ADAMTSL1: variants seen among roughly 807,000 people sequenced by gnomAD.
The protein encoded by ADAMTSL1 is ADAMTS-like protein 1.
In ADAMTSL1, 126 loss-of-function variants were observed where a neutral mutation model predicts 201.8. The observed-to-expected ratio is 0.62, with a 90% CI of 0.54 to 0.72. ADAMTSL1 has a LOEUF of 0.72. Ranked by LOEUF, ADAMTSL1 falls within the 30% of genes least tolerant of loss-of-function variation. The pLI, the probability that ADAMTSL1 is intolerant of heterozygous loss-of-function variation, is 0.00. For synonymous variants in ADAMTSL1, 1,121 were observed against 903.4 expected (o/e 1.24, Z -4.32); for missense variants, 2,679 against 2,277.8 (o/e 1.18, Z -3.59).
chr9:18,609,963 A>T lies in ADAMTSL1; in HGVS notation c.475-12280A>T, dbSNP rs1173301959. ...GAGAGTGATATATTCAAGCCATCAC[A>T]TCCAGGTTGAGTTGTTGGTTGCACC... is the stretch of plus-strand genomic sequence containing the variant. On this transcript the variant is annotated intron_variant, in intron 4 of 28. Transcript: ENST00000380548. Among the ~76,000 whole-genome samples, 3 of 152,196 alleles carry T rather than the reference A, an allele frequency of 2.0e-5. No homozygotes were observed. The East Asian group carries it at 5.8e-4, about 29-fold the overall frequency.
intron 25 of ADAMTSL1, among the ~76,000 whole-genome samples, chr9:18,891,018 T>G (rs1428045196): frequency 6.6e-6 from 1 of 152,236 alleles, no homozygotes; most frequent in Non-Finnish European, 1.5e-5. Flanking sequence ...TAAGTGGCTC[T>G]GCTCCTGTGG....
chr9:18,159,535 C>T (rs1827298034), intron 1 of ADAMTSL1, among the ~76,000 whole-genome samples: 1 of 151,988 alleles, frequency 6.6e-6, no homozygotes. Context: ...CCATCATAAA[C>T]ATTACAATTT....
intron 1 of ADAMTSL1, among the ~76,000 whole-genome samples, chr9:17,920,540 A>G (rs1413440506): frequency 6.6e-6 from 1 of 151,576 alleles, no homozygotes; most frequent in African/African-American, 2.4e-5. Flanking sequence ...CCCTGCTTCT[A>G]CTCCCCTCCC....
chr9:18,374,544 G>A (rs1293061021), intron 2 of ADAMTSL1, among the ~76,000 whole-genome samples: 1 of 151,990 alleles, frequency 6.6e-6, no homozygotes, highest in Non-Finnish European at 1.5e-5. Context: ...TGTTGCCCAG[G>A]CTGGTCTCTT....
chr9:18,071,936 A>G (rs1822988803), intron 1 of ADAMTSL1, among the ~76,000 whole-genome samples: 1 of 152,180 alleles, frequency 6.6e-6, no homozygotes, highest in Non-Finnish European at 1.5e-5. Flanking sequence ...TCTCCATTAG[A>G]GAGAAAATAC....
intron 2 of ADAMTSL1, among the ~76,000 whole-genome samples, chr9:18,527,897 A>T (rs1029655909): frequency 2.0e-5 from 3 of 152,172 alleles, no homozygotes; most frequent in Admixed American, 2.0e-4. Context: ...GCCCCCCTCA[A>T]GATGGAGTCT....
At chr9:18,515,925 C>T (rs1012390136) in intron 2 of ADAMTSL1, among the ~76,000 whole-genome samples, 1 of 151,958 alleles carries the variant, frequency 6.6e-6, no homozygotes, top group African/African-American at 2.4e-5. Flanking sequence ...TGGTGAATGA[C>T]CAGGTTAATG....
At chr9:18,098,163 T>G (rs1159217267) in intron 1 of ADAMTSL1, among the ~76,000 whole-genome samples, 3 of 152,066 alleles carry the variant, frequency 2.0e-5, no homozygotes, top group African/African-American at 7.2e-5. Context: ...TTTTGTTATA[T>G]TTATCTATAT....
At chr9:18,363,087 A>G (rs986761084) in intron 2 of ADAMTSL1, among the ~76,000 whole-genome samples, 1 of 152,226 alleles carries the variant, frequency 6.6e-6, no homozygotes, top group Non-Finnish European at 1.5e-5. Flanking sequence ...TTTCACACCT[A>G]AAAGTGTTAT....
chr9:18,479,104 C>A (rs1344110712), intron 1 of ADAMTSL1, among the ~76,000 whole-genome samples: 1 of 152,146 alleles, frequency 6.6e-6, no homozygotes, highest in African/African-American at 2.4e-5. Flanking sequence ...TGCTATCAAC[C>A]CCTTCTTTCC....
chr9:18,554,682 A>G (rs200529467), intron 3 of ADAMTSL1, among the ~76,000 whole-genome samples: 1 of 126,920 alleles, frequency 7.9e-6, no homozygotes, highest in Non-Finnish European at 1.7e-5. Context: ...TTTTTTTTTT[A>G]TTTTGCTTGT....
chr9:18,270,571 C>G (rs555737738), intron 2 of ADAMTSL1, among the ~76,000 whole-genome samples: 18 of 152,172 alleles, frequency 1.2e-4, no homozygotes, highest in Admixed American at 5.2e-4. Context: ...TATATAATGC[C>G]TTATTAATAT....
intron 23 of ADAMTSL1, among the ~76,000 whole-genome samples, chr9:18,850,178 C>G (rs2131366822): frequency 1.3e-5 from 2 of 152,336 alleles, no homozygotes; most frequent in Middle Eastern, 6.8e-3. Context: ...AAAACGCACT[C>G]ACACTTGCTC....
At chr9:18,345,372 C>G (rs1393828247) in intron 2 of ADAMTSL1, among the ~76,000 whole-genome samples, 4 of 151,854 alleles carry the variant, frequency 2.6e-5, no homozygotes, top group African/African-American at 7.3e-5. Context: ...GAAGAACTAA[C>G]ATCAGAAACA....
chr9:18,599,670 GCAAACTAGCAATGCTC>G lies in ADAMTSL1; in HGVS notation c.475-22570_475-22555del, dbSNP rs149956680. On this transcript the variant is annotated intron_variant, in intron 4 of 28. Transcript: ENST00000380548. The stretch of plus-strand genomic sequence containing the variant: ...GTTTCGTGGCTCTAAAGCAGAAGTT[GCAAACTAGCAATGCTC>G]CAGCCAGATGCAGCCTATGGATAAC... Among the ~76,000 whole-genome samples, 391 of 152,042 alleles carry G rather than the reference GCAAACTAGCAATGCTC, an allele frequency of 2.6e-3. 3 individuals carry two copies. Among genetic ancestry groups the G allele is most frequent in the African/African-American group, 7.0e-3 (289 of 41,482 alleles).
At chr9:18,264,037 C>T (rs1832028362) in intron 2 of ADAMTSL1, among the ~76,000 whole-genome samples, 1 of 152,142 alleles carries the variant, frequency 6.6e-6, no homozygotes, top group South Asian at 2.1e-4. Flanking sequence ...TAAATGCAAC[C>T]TCTTTAAAAG....
intron 7 of ADAMTSL1, among the ~76,000 whole-genome samples, chr9:18,648,037 T>C (rs1206200493): frequency 6.0e-5 from 9 of 149,014 alleles, no homozygotes; most frequent in Non-Finnish European, 1.5e-5. Flanking sequence ...TCTTTGTAGG[T>C]CACTCAGGAC....
chr9:18,414,082 A>G (rs143162051), intron 2 of ADAMTSL1, among the ~76,000 whole-genome samples: 28 of 152,336 alleles, frequency 1.8e-4, no homozygotes, highest in African/African-American at 6.5e-4. Flanking sequence ...AATTAGTTAC[A>G]AAAGATATTT....
At chr9:18,853,760 T>A (rs1480649353) in intron 23 of ADAMTSL1, among the ~76,000 whole-genome samples, 1 of 152,166 alleles carries the variant, frequency 6.6e-6, no homozygotes, top group African/African-American at 2.4e-5. Context: ...TCTATCACTG[T>A]CTTAATTTTC....
Sources: gnomAD v4.1 joint callset for allele counts (sites outside exome capture counted in the v4.1 genomes callset) on GRCh38, gnomAD v4.1.1 for gene constraint, MANE v1.5 for transcripts, NCBI Gene and HGNC (gene_info 2026-07-23, HGNC 2026-07-21) for gene names.